MARCO: variants seen among roughly 807,000 people sequenced by gnomAD.
MARCO encodes macrophage receptor with collagenous structure.
MARCO carries 72 observed loss-of-function variants against 70.0 expected under a neutral mutation model. The ratio of observed to expected loss-of-function variants is 1.03; its 90% CI spans 0.85 to 1.25. The LOEUF is 1.25. MARCO is among the 50% of genes most tolerant of loss of function. The pLI, the probability that MARCO is intolerant of heterozygous loss-of-function variation, is 0.00. For synonymous variants in MARCO, 273 were observed against 243.1 expected, an observed-to-expected ratio of 1.12 and a Z score of -1.14; for missense variants, 696 against 659.3, an observed-to-expected ratio of 1.06 and a Z score of -0.61.
Position 118,973,118 on chromosome 2 carries a change from A to C in MARCO, c.461-1215A>C, listed in dbSNP as rs567037052. ...TCTCTCTGAATATAGATGTATGTAC[A>C]TAGAGAAAAACTCCGACTCTCTCCA... On this transcript the variant is annotated intron_variant, in intron 4 of 16. Coordinates refer to ENST00000327097, the MANE Select transcript of MARCO (RefSeq NM_006770.4). 5.9e-5 allele frequency among the ~76,000 whole-genome samples: 9 copies of C among 151,768 alleles called. No individual in the cohort carries two copies. The South Asian group carries it at 8.4e-4, about 14-fold the overall frequency.
chr2:118,960,286 C>T (rs7606531), intron 1 of MARCO, among the ~76,000 whole-genome samples: 117,072 of 151,862 alleles, frequency 0.77, 45,504 homozygotes, highest in East Asian at 1. Flanking sequence ...GCTAGAACTT[C>T]CCAGTGCTAT....
At position 118,981,472 on chromosome 2, in the gene MARCO, G is replaced by A. The variant is rs892164073; in HGVS notation, c.830G>A (p.Gly277Glu). Residue 277 changes from glycine to glutamate, a missense_variant, in exon 9 of 17, where the codon GGG becomes GAG. Transcript: ENST00000327097. ...AGVMGPPGAQGSKGDFGRPGP... is the reference protein window; with the variant it reads ...AGVMGPPGAQESKGDFGRPGP... The stretch of plus-strand genomic sequence containing the variant: ...GTCATGGGGCCTCCTGGAGCCCAGG[G>A]GAGTAAAGGTGACTTCGGGAGGCCA... 1 of 1,599,390 alleles carries A rather than the reference G, an allele frequency of 6.3e-7. No homozygotes were observed. The highest frequency in any genetic ancestry group is 8.5e-7 in the Non-Finnish European group (1 of 1,176,726).
chr2:118,991,710 A>C, intron 13 of MARCO, 67 bp from the exon 14 acceptor site: 2 of 873,054 alleles, frequency 2.3e-6, no homozygotes, highest in South Asian at 3.4e-5. Flanking sequence ...TTAAACAGTA[A>C]TGCCCTTGGG....
chr2:118,967,893 C>T (rs1419235391), intron 1 of MARCO, among the ~76,000 whole-genome samples: 4 of 152,176 alleles, frequency 2.6e-5, no homozygotes, highest in Non-Finnish European at 1.5e-5. Flanking sequence ...CAGATGTGCC[C>T]TTGGGGCCCA....
intron 10 of MARCO, 53 bp from the exon 11 acceptor site, chr2:118,982,103 A>G (rs1680403331): frequency 3.7e-6 from 5 of 1,340,214 alleles, no homozygotes; most frequent in Non-Finnish European, 5.2e-6. Flanking sequence ...GGGTTGGGGT[A>G]TCTGGGCCCT....
chr2:118,986,421 G>A (rs541001597), intron 12 of MARCO, among the ~76,000 whole-genome samples: 127 of 151,912 alleles, frequency 8.4e-4, no homozygotes, highest in African/African-American at 2.9e-3. Flanking sequence ...GGCTGAAGGA[G>A]GAGGAGAAGG....
Position 118,994,549 on chromosome 2 carries a change from C to T in MARCO, c.*29C>T, listed in dbSNP as rs376498558. ...GGAAACCCTTTCACTTCTCTGCTCC[C>T]GAGGTGTCCTCGGGCTCATATGTGG... On this transcript the variant is annotated 3_prime_UTR_variant, in exon 17 of 17. Coordinates refer to ENST00000327097, the MANE Select transcript of MARCO (RefSeq NM_006770.4). 74 of 1,545,724 alleles carry T rather than the reference C, an allele frequency of 4.8e-5. No homozygotes were observed. The highest frequency in any genetic ancestry group is 5.9e-5 in the Admixed American group (3 of 50,780).
At chr2:118,970,603 G>A (rs1005542767) in intron 3 of MARCO, among the ~76,000 whole-genome samples, 1 of 152,172 alleles carries the variant, frequency 6.6e-6, no homozygotes. Flanking sequence ...TGAGGTTGGG[G>A]AGAGAGCAAC....
Position 118,974,388 on chromosome 2 carries a change from A to T in MARCO, c.516A>T (p.Gly172=), listed in dbSNP as rs1339786863. 5.0e-6 allele frequency: 8 copies of T among 1,612,130 alleles called. No individual in the cohort carries two copies. Among genetic ancestry groups the T allele is most frequent in the African/African-American group, 1.3e-5 (1 of 75,000 alleles). ...MGMPGAPGPP[G]PPAEKGAKGA... ...TGCCTGGTGCCCCTGGCCCGCCGGG[A>T]CCACCTGCTGAGAAGGGAGCCAAGG... The change falls in exon 5 of 17, where the codon GGA becomes GGT. Residue 172 remains glycine, a synonymous_variant. Transcript: ENST00000327097.
intron 1 of MARCO, among the ~76,000 whole-genome samples, chr2:118,961,632 G>T (rs1290196567): frequency 6.6e-6 from 1 of 152,002 alleles, no homozygotes; most frequent in Non-Finnish European, 1.5e-5. Flanking sequence ...TTGTCAGATG[G>T]ATAGATCGCA....
chr2:118,963,916 G>T (rs1407255281), intron 1 of MARCO, among the ~76,000 whole-genome samples: 1 of 151,772 alleles, frequency 6.6e-6, no homozygotes, highest in East Asian at 1.9e-4. Context: ...TTTTTTCTTT[G>T]TTTCCCATTC....
Position 118,994,657 on chromosome 2 carries a change from T to C in MARCO, c.*137T>C. On this transcript the variant is annotated 3_prime_UTR_variant, in exon 17 of 17. Transcript: ENST00000327097. ...GGCCATTAATAAAGCTCAACATCAT[T>C]GGCTGTGGCTGAGTGTCACTGTGTT... is the stretch of plus-strand genomic sequence containing the variant. 1.3e-6 allele frequency: 1 copy of C among 776,192 alleles called. No individual in the cohort carries two copies. The highest frequency in any genetic ancestry group is 2.0e-5 in the South Asian group (1 of 49,590). 48.1% of individuals were successfully genotyped at this position (776,192 alleles called of 1,614,324 possible). A position where few individuals can be genotyped will look rare whatever the true frequency, so the allele number is the denominator to read the frequency against.
chr2:118,981,551 C>CAT lies in MARCO; in HGVS notation c.865+44_865+45insAT, dbSNP rs752363038. ...ACATCCACTGACCTCTAGGTATTTC[C>CAT]TTTTTTTTTTTTTTCTGGCTGGCTG... is the stretch of plus-strand genomic sequence containing the variant. On this transcript the variant is annotated intron_variant, in intron 9 of 16. Coordinates refer to ENST00000327097, the MANE Select transcript of MARCO (RefSeq NM_006770.4). The CAT allele has an allele frequency of 2.7e-4, 392 of 1,448,726 alleles. 8 individuals are homozygous for CAT. The highest frequency in any genetic ancestry group is 9.4e-4 in the Admixed American group (49 of 52,104). The allele number at this position is 1,448,726 out of a possible 1,614,324, so 89.7% of individuals were successfully genotyped here.
At position 118,993,300 on chromosome 2, in the gene MARCO, GGTAA is replaced by G; in HGVS notation, c.1429+3_1429+6del. ...AAGGGCCCTGTACAAAGTGGGAGCTGGTAAGTGAGTCATCAGCCGGGGGCCTCTT... is the reference window on the plus strand; with the variant it reads ...AAGGGCCCTGTACAAAGTGGGAGCTGGTGAGTCATCAGCCGGGGGCCTCTT... On this transcript the variant is annotated splice_donor_variant and splice_donor_region_variant and intron_variant, in intron 16 of 16. Coordinates refer to ENST00000327097, the MANE Select transcript of MARCO (RefSeq NM_006770.4). LOFTEE classifies it high-confidence loss of function. 1 of 1,613,924 alleles carries G rather than the reference GGTAA, an allele frequency of 6.2e-7. No individual in the cohort carries two copies. Among genetic ancestry groups the G allele is most frequent in the Non-Finnish European group, 8.5e-7 (1 of 1,179,900 alleles).
At chr2:118,993,001 C>T (rs1680651095) in intron 15 of MARCO, 123 bp from the exon 16 acceptor site, 1 of 877,598 alleles carries the variant, frequency 1.1e-6, no homozygotes, top group Non-Finnish European at 1.8e-6. Context: ...GCTCTGGTGA[C>T]AGTCAAGCAG....
At chr2:118,951,419 A>G (rs2104550662) in intron 1 of MARCO, among the ~76,000 whole-genome samples, 1 of 152,316 alleles carries the variant, frequency 6.6e-6, no homozygotes, top group Admixed American at 6.5e-5. Flanking sequence ...GCTACCTTTT[A>G]GCTTTTGGGT....
chr2:118,950,943 T>G (rs1679711489), intron 1 of MARCO, among the ~76,000 whole-genome samples: 1 of 152,234 alleles, frequency 6.6e-6, no homozygotes, highest in Non-Finnish European at 1.5e-5. Flanking sequence ...TTTACTTTTG[T>G]TGAAAACCTT....
Position 118,969,213 on chromosome 2 carries a change from A to G in MARCO, c.151A>G (p.Ile51Val), listed in dbSNP as rs1396093572. 3 of 1,614,246 alleles carry G rather than the reference A, an allele frequency of 1.9e-6. No individual in the cohort carries two copies. The highest frequency in any genetic ancestry group is 1.7e-6 in the Non-Finnish European group (2 of 1,180,044). ...GVNFSLAVVVIYLILLTAGAG... is the reference protein window; with the variant it reads ...GVNFSLAVVVVYLILLTAGAG... ...GAACTTCTCCCTAGCTGTGGTGGTC[A>G]TCTACCTGATCCTGCTCACCGCTGG... Residue 51 changes from isoleucine to valine, a missense_variant, in exon 2 of 17, where the codon ATC becomes GTC. By Grantham distance (29) the Ile-to-Val change is conservative. Coordinates refer to ENST00000327097, the MANE Select transcript of MARCO (RefSeq NM_006770.4).
rs530579664 is a variant in MARCO, at chr2:118,963,970, T to C, written c.98-5190T>C. ...GCCTTCCTGTGGATTATTTGAATAATTTTTAGAATTCCATTTTGATTTATT... is the reference window on the plus strand; with the variant it reads ...GCCTTCCTGTGGATTATTTGAATAACTTTTAGAATTCCATTTTGATTTATT... On this transcript the variant is annotated intron_variant, in intron 1 of 16. Transcript: ENST00000327097. Among the ~76,000 whole-genome samples, 49 of 152,328 alleles carry C rather than the reference T, an allele frequency of 3.2e-4. 1 individual carries two copies. The highest frequency in any genetic ancestry group is 1.1e-3 in the African/African-American group (44 of 41,598).
Sources: gnomAD v4.1 joint callset for allele counts (sites outside exome capture counted in the v4.1 genomes callset) on GRCh38, gnomAD v4.1.1 for gene constraint, MANE v1.5 for transcripts, NCBI Gene and HGNC (gene_info 2026-07-23, HGNC 2026-07-21) for gene names.